The following CUX1 variants were observed in gnomAD, a reference collection of about 807,000 sequenced individuals.
The protein encoded by CUX1 is protein CASP.
A neutral mutation model predicts 158.8 loss-of-function variants in CUX1; 31 were observed. The ratio of observed to expected loss-of-function variants is 0.20; its 90% CI spans 0.15 to 0.26. CUX1 has a LOEUF of 0.26. Ranked by LOEUF, CUX1 falls within the 10% of genes least tolerant of loss-of-function variation. The pLI is 1.00. For missense variants in CUX1, 1,589 were observed against 2,014.6 expected (o/e 0.79, Z 4.04); for synonymous variants, 879 against 862.1 (o/e 1.02, Z -0.34).
At chr7:102,097,224 TG>T in intron 4 of CUX1, 139 bp from the exon 5 acceptor site, 1 of 991,934 alleles carries the variant, frequency 1.0e-6, no homozygotes, top group Non-Finnish European at 1.4e-6. Flanking sequence ...GCAAGGGGGC[TG>T]GCTGCAGGGG....
At chr7:101,888,222 T>A (rs1460302082) in intron 1 of CUX1, among the ~76,000 whole-genome samples, 1 of 152,056 alleles carries the variant, frequency 6.6e-6, no homozygotes, top group Non-Finnish European at 1.5e-5. Context: ...TTCCAGCTAC[T>A]CGGGAGGCTG....
intron 11 of CUX1, among the ~76,000 whole-genome samples, chr7:102,187,791 C>T (rs903153279): frequency 1.3e-5 from 2 of 151,938 alleles, no homozygotes; most frequent in Non-Finnish European, 2.9e-5. Flanking sequence ...TTACAGGCGT[C>T]AGCCACCGCG....
At chr7:101,832,031 G>A (rs1269202168) in intron 1 of CUX1, among the ~76,000 whole-genome samples, 1 of 152,180 alleles carries the variant, frequency 6.6e-6, no homozygotes, top group African/African-American at 2.4e-5. Context: ...CCAGGCCTGA[G>A]CTGCCATGCC....
intron 3 of CUX1, among the ~76,000 whole-genome samples, chr7:102,049,927 A>C (rs1333139277): frequency 1.3e-5 from 2 of 152,154 alleles, no homozygotes; most frequent in Non-Finnish European, 1.5e-5. Flanking sequence ...CTCTAGGAAC[A>C]GTCTTGTCCC....
At chr7:102,095,716 A>G (rs782712222) in intron 4 of CUX1, among the ~76,000 whole-genome samples, 16 of 152,330 alleles carry the variant, frequency 1.1e-4, no homozygotes, top group Non-Finnish European at 1.5e-4. Flanking sequence ...TCCGCTGGGC[A>G]TGGTGTTTGG....
rs1799287132 is a variant in CUX1 at position 102,234,107 on chromosome 7, C to T, written c.3489C>T (p.Asp1163=). 6.3e-7 allele frequency: 1 copy of T among 1,596,550 alleles called. No individual in the cohort carries two copies. Among genetic ancestry groups the T allele is most frequent in the Non-Finnish European group, 8.5e-7 (1 of 1,172,566 alleles). The change falls in exon 22 of 24, where the codon GAC becomes GAT. Residue 1163 remains aspartate, a synonymous_variant. Transcript: ENST00000292535. ...GGCTCACCCAAGGCTCTGTCTCTGA[C>T]CTCCTTGCCCGCCCCAAACCCTGGC... ...ILGLTQGSVS[D]LLARPKPWHK... is the part of the protein sequence containing the mutation.
chr7:101,863,125 GAGA>G (rs1329698892), intron 1 of CUX1, among the ~76,000 whole-genome samples: 5 of 152,156 alleles, frequency 3.3e-5, no homozygotes, highest in African/African-American at 4.8e-5. Flanking sequence ...ATCTCTAAAA[GAGA>G]AGGACTTTGC....
intron 20 of CUX1, chr7:102,280,899 C>T (rs782416545): frequency 1.3e-6 from 2 of 1,587,846 alleles, no homozygotes; most frequent in South Asian, 2.2e-5. Context: ...CCTGGACAGG[C>T]CTGAGCCTCT....
chr7:102,061,876 C>T (rs1269617472), intron 3 of CUX1, among the ~76,000 whole-genome samples: 1 of 152,164 alleles, frequency 6.6e-6, no homozygotes, highest in African/African-American at 2.4e-5. Flanking sequence ...AGAGATATGG[C>T]CAACTCGTGA....
At chr7:101,997,199 C>T (rs1336751060) in intron 2 of CUX1, among the ~76,000 whole-genome samples, 4 of 152,168 alleles carry the variant, frequency 2.6e-5, no homozygotes, top group African/African-American at 9.7e-5. Context: ...CAGGTTCTCC[C>T]CGTCCCCAGA....
intron 2 of CUX1, among the ~76,000 whole-genome samples, chr7:102,015,639 G>A (rs186352990): frequency 6.6e-6 from 1 of 152,280 alleles, no homozygotes; most frequent in Non-Finnish European, 1.5e-5. Context: ...GTGTCCAAAT[G>A]CTTATATGTG....
chr7:102,206,037 T>C (rs181781080), intron 20 of CUX1, among the ~76,000 whole-genome samples: 28 of 152,318 alleles, frequency 1.8e-4, no homozygotes, highest in African/African-American at 6.5e-4. Context: ...CATTGATTCA[T>C]TGAAAACACA....
At chr7:101,962,058 C>T (rs546643292) in intron 2 of CUX1, among the ~76,000 whole-genome samples, 8 of 152,192 alleles carry the variant, frequency 5.3e-5, no homozygotes, top group Admixed American at 2.0e-4. Flanking sequence ...GACTTGGAGT[C>T]GTATTTCTTT....
At chr7:102,213,582 G>A (rs546934855) in intron 20 of CUX1, among the ~76,000 whole-genome samples, 34 of 152,310 alleles carry the variant, frequency 2.2e-4, no homozygotes, top group African/African-American at 6.5e-4. Context: ...GACACATCCC[G>A]TTCTCTCCCC....
chr7:101,974,438 T>C (rs2129200337), intron 2 of CUX1, among the ~76,000 whole-genome samples: 1 of 152,290 alleles, frequency 6.6e-6, no homozygotes, highest in South Asian at 2.1e-4. Context: ...ATGATTAAGA[T>C]AGAAAGGAGA....
intron 1 of CUX1, among the ~76,000 whole-genome samples, chr7:101,851,962 A>G (rs1303536583): frequency 6.6e-6 from 1 of 151,510 alleles, no homozygotes; most frequent in Non-Finnish European, 1.5e-5. Flanking sequence ...CCCAGTAGCT[A>G]GGACTACAGG....
chr7:101,874,169 G>A (rs1024959521), intron 1 of CUX1, among the ~76,000 whole-genome samples: 1 of 152,162 alleles, frequency 6.6e-6, no homozygotes, highest in East Asian at 1.9e-4. Flanking sequence ...AATTGAATTC[G>A]GATTATTGCA....
intron 8 of CUX1, chr7:102,153,311 G>A (rs1835897319): frequency 6.6e-6 from 1 of 152,330 alleles, no homozygotes; most frequent in South Asian, 2.1e-4. Context: ...CTGGGCCCCT[G>A]GAACTTTGCT....
chr7:102,244,614 G>C (rs782383437), intron 23 of CUX1, among the ~76,000 whole-genome samples: 2 of 152,088 alleles, frequency 1.3e-5, no homozygotes, highest in Non-Finnish European at 2.9e-5. Context: ...AGAATCACTT[G>C]AGGAGGTTGA....
Sources: allele counts gnomAD v4.1 joint callset (sites outside exome capture counted in the v4.1 genomes callset), GRCh38; gene constraint gnomAD v4.1.1; transcripts MANE v1.5; gene names NCBI Gene and HGNC (gene_info 2026-07-23, HGNC 2026-07-21).